The following CDH6 variants were observed in gnomAD, a reference collection of about 807,000 sequenced individuals.
CDH6 encodes the protein cadherin 6.
A neutral mutation model predicts 78.0 loss-of-function variants in CDH6; 31 were observed. The ratio of observed to expected loss-of-function variants is 0.40; its 90% CI spans 0.30 to 0.54. CDH6 has a LOEUF of 0.54. CDH6 is among the 20% of genes least tolerant of loss of function. The pLI is 0.56. For missense variants in CDH6, 724 were observed against 975.9 expected (o/e 0.74, Z 3.44); for synonymous variants, 376 against 368.8 (o/e 1.02, Z -0.23).
At chr5:31,224,794 T>C (rs1741103762) in intron 1 of CDH6, among the ~76,000 whole-genome samples, 2 of 152,186 alleles carry the variant, frequency 1.3e-5, no homozygotes, top group Admixed American at 1.3e-4. Context: ...TCCACCTTCC[T>C]CAGCGTCCCA....
intron 11 of CDH6, among the ~76,000 whole-genome samples, chr5:31,319,253 C>G (rs896458435): frequency 6.6e-6 from 1 of 152,144 alleles, no homozygotes; most frequent in Non-Finnish European, 1.5e-5. Context: ...TCATCTACCT[C>G]CGCCTTTCAT....
At chr5:31,311,944 C>CA (rs5867068) in intron 7 of CDH6, among the ~76,000 whole-genome samples, 66,645 of 152,082 alleles carry the variant, frequency 0.44, 16,684 homozygotes, top group Non-Finnish European at 0.54. Flanking sequence ...CAACATTTCT[C>CA]AAAATCCACT....
Position 31,299,479 on chromosome 5 carries a change from C to T in CDH6, c.659C>T (p.Ala220Val), listed in dbSNP as rs2149950216. The T allele has an allele frequency of 1.2e-6, 2 of 1,613,278 alleles. No individual in the cohort carries two copies. The highest frequency in any genetic ancestry group is 4.5e-5 in the East Asian group (2 of 44,856). The change falls in exon 5 of 12, where the codon GCT becomes GTT. Residue 220 changes from alanine (A) to valine (V), a missense_variant. Physicochemically the swap from Ala to Val is moderately conservative, Grantham distance 64. Transcript: ENST00000265071. ...ACATCCACAGGTATTATCAAGACAG[C>T]TTTGCTCAACATGGATCGAGAAAAC... is the stretch of plus-strand genomic sequence containing the variant. Reference protein sequence around the residue: ...VESETGIIKTALLNMDRENRE... With the variant: ...VESETGIIKTVLLNMDRENRE...
chr5:31,302,424 A>C, intron 6 of CDH6, 126 bp downstream of exon 6: 1 of 790,946 alleles, frequency 1.3e-6, no homozygotes. Flanking sequence ...TATTATTTTC[A>C]GAAAAATGCC....
At chr5:31,231,111 T>C (rs1160564708) in intron 1 of CDH6, among the ~76,000 whole-genome samples, 1 of 152,240 alleles carries the variant, frequency 6.6e-6, no homozygotes, top group Non-Finnish European at 1.5e-5. Context: ...TGCCTTATTT[T>C]CATCTTAGGG....
chr5:31,235,591 C>T (rs1015084039), intron 1 of CDH6, among the ~76,000 whole-genome samples: 1 of 152,164 alleles, frequency 6.6e-6, no homozygotes, highest in South Asian at 2.1e-4. Flanking sequence ...GAATGTTATG[C>T]ATGACTTACT....
intron 2 of CDH6, among the ~76,000 whole-genome samples, chr5:31,284,301 A>G (rs1386668521): frequency 6.6e-6 from 1 of 152,196 alleles, no homozygotes; most frequent in East Asian, 1.9e-4. Context: ...TGGCCCTTCC[A>G]TCTACTGAAG....
At chr5:31,302,958 G>GAAGGAAA (rs1561066578) in intron 6 of CDH6, among the ~76,000 whole-genome samples, 1 of 106,098 alleles carries the variant, frequency 9.4e-6, no homozygotes, top group Admixed American at 8.8e-5. Flanking sequence ...AAAGAAAGAA[G>GAAGGAAA]GAAAGAAAAG....
intron 1 of CDH6, among the ~76,000 whole-genome samples, chr5:31,227,564 T>G (rs1741188244): frequency 6.6e-6 from 1 of 152,192 alleles, no homozygotes; most frequent in Non-Finnish European, 1.5e-5. Context: ...TCCCTAGCAG[T>G]GCATCAGAGG....
In CDH6 at chr5:31,299,465, T is replaced by C. The variant is rs1360379247; in HGVS notation, c.645T>C (p.Gly215=). The change falls in exon 5 of 12, where the codon GGT becomes GGC. Residue 215 remains glycine, a splice_region_variant and synonymous_variant. Transcript: ENST00000265071. ...CACTCTTAAATTTCACATCCACAGG[T>C]ATTATCAAGACAGCTTTGCTCAACA... ...QPYFSVESET[G]IIKTALLNMD... 1 of 1,610,830 alleles carries C rather than the reference T, an allele frequency of 6.2e-7. No individual in the cohort carries two copies. Among genetic ancestry groups the C allele is most frequent in the Admixed American group, 1.7e-5 (1 of 59,938 alleles).
chr5:31,198,799 T>C (rs1347323717), intron 1 of CDH6, among the ~76,000 whole-genome samples: 1 of 152,144 alleles, frequency 6.6e-6, no homozygotes, highest in Non-Finnish European at 1.5e-5. Flanking sequence ...TGCCACCTTA[T>C]AAACATAATT....
In CDH6 at chr5:31,199,423, T is replaced by TAC. The variant is rs200218993; in HGVS notation, c.-129+5543_-129+5544dup. The stretch of plus-strand genomic sequence containing the variant: ...ATGTACTTTACATGGTGTATATATG[T>TAC]ACACACATATGTGTATATATACACA... On this transcript the variant is annotated intron_variant, in intron 1 of 11. Coordinates refer to ENST00000265071, the MANE Select transcript of CDH6 (RefSeq NM_004932.4). 1.0e-3 allele frequency among the ~76,000 whole-genome samples: 133 copies of TAC among 127,634 alleles called. 4 individuals carry two copies. The East Asian group carries it at 0.011, about 10-fold the overall frequency. 83.7% of individuals were successfully genotyped at this position (127,634 alleles called of 152,430 possible). A position where few individuals can be genotyped will look rare whatever the true frequency, so the allele number is the denominator to read the frequency against.
At chr5:31,252,391 T>G (rs1741934892) in intron 1 of CDH6, among the ~76,000 whole-genome samples, 1 of 151,726 alleles carries the variant, frequency 6.6e-6, no homozygotes, top group Admixed American at 6.6e-5. Flanking sequence ...TTACAAAAAC[T>G]TTTTACTGAG....
chr5:31,210,076 TTGTGTGTGTGTG>T (rs60543109), intron 1 of CDH6, among the ~76,000 whole-genome samples: 1 of 146,468 alleles, frequency 6.8e-6, no homozygotes, highest in African/African-American at 2.5e-5. Context: ...TTTTCTTAAA[TTGTGTGTGTGTG>T]TGTGTGTGTG....
intron 1 of CDH6, among the ~76,000 whole-genome samples, chr5:31,215,489 T>A (rs1383414362): frequency 1.3e-5 from 2 of 152,168 alleles, no homozygotes; most frequent in Non-Finnish European, 2.9e-5. Context: ...ATAACTCTGA[T>A]AAAGTTAGGT....
Position 31,207,621 on chromosome 5 carries a change from C to T in CDH6, c.-129+13735C>T, listed in dbSNP as rs76866087. Among the ~76,000 whole-genome samples, 241 of 152,310 alleles carry T rather than the reference C, an allele frequency of 1.6e-3. 7 individuals carry two copies. The South Asian group carries it at 0.03, about 19-fold the overall frequency. On this transcript the variant is annotated intron_variant, in intron 1 of 11. Transcript: ENST00000265071. ...TGGAAAACAAAGCCACTGAGTCTTCCTTTTACCAAAAAGGCCTAGCCTTGT... is the reference window on the plus strand; with the variant it reads ...TGGAAAACAAAGCCACTGAGTCTTCTTTTTACCAAAAAGGCCTAGCCTTGT...
At chr5:31,253,009 C>T (rs1449421317) in intron 1 of CDH6, among the ~76,000 whole-genome samples, 2 of 152,196 alleles carry the variant, frequency 1.3e-5, no homozygotes, top group African/African-American at 2.4e-5. Context: ...GACTAAGTGG[C>T]TTATAAACAA....
rs1491580508 is a variant in CDH6, at chr5:31,326,680, AAT to A, written c.*3373_*3374del. 419 of 130,356 alleles carry A rather than the reference AAT, an allele frequency of 3.2e-3. 39 individuals carry two copies. The highest frequency in any genetic ancestry group is 0.011 in the African/African-American group (368 of 34,368). The allele number at this position is 130,356 out of a possible 1,614,324, so 8.1% of individuals were successfully genotyped here. ...CAAAGAGTTGTGCAGAAAATCTTAA[AAT>A]TTTTTTTTTTTTTTTTTTTTTTTTT... On this transcript the variant is annotated 3_prime_UTR_variant, in exon 12 of 12. Transcript: ENST00000265071.
chr5:31,294,264 A>G lies in CDH6; in HGVS notation c.523+8A>G. On this transcript the variant is annotated splice_region_variant and intron_variant, in intron 3 of 11. Transcript: ENST00000265071. The surrounding 1 kb of genome is among the most constrained non-coding windows in gnomAD (Gnocchi z 4.1). ...CTGAAATGTCTGATGTCGGTGAGTG[A>G]GACGTGACTTCAGCCAAAAGCTGGC... 1 of 1,603,830 alleles carries G rather than the reference A, an allele frequency of 6.2e-7. No individual in the cohort carries two copies.
Sources: allele counts gnomAD v4.1 joint callset (sites outside exome capture counted in the v4.1 genomes callset), GRCh38; gene constraint gnomAD v4.1.1; non-coding constraint Gnocchi (gnomAD v3.1); transcripts MANE v1.5; gene names NCBI Gene and HGNC (gene_info 2026-07-23, HGNC 2026-07-21).